RASSF3: variants seen among roughly 807,000 people sequenced by gnomAD.
RASSF3 encodes Ras association domain family member 3, also known as ras association domain-containing protein 3.
In RASSF3, 19 loss-of-function variants were observed where a neutral mutation model predicts 19.9. The ratio of observed to expected loss-of-function variants is 0.96; its 90% CI spans 0.67 to 1.40. The LOEUF is 1.40. Ranked by LOEUF, RASSF3 falls within the 40% of genes most tolerant of loss-of-function variation. The pLI, the probability that RASSF3 is intolerant of heterozygous loss-of-function variation, is 0.00. For synonymous variants in RASSF3, 110 were observed against 104.2 expected (o/e 1.06, Z -0.34); for missense variants, 306 against 289.8 (o/e 1.06, Z -0.41).
intron 2 of RASSF3, among the ~76,000 whole-genome samples, chr12:64,594,287 T>TTGCACCCC (rs1869966748): frequency 6.6e-6 from 1 of 151,990 alleles, no homozygotes; most frequent in Non-Finnish European, 1.5e-5. Flanking sequence ...TGAGCTATGA[T>TTGCACCCC]TGCACCCCTG....
chr12:64,645,621 T>G (rs1871703942), intron 1 of RASSF3, among the ~76,000 whole-genome samples: 1 of 152,188 alleles, frequency 6.6e-6, no homozygotes, highest in South Asian at 2.1e-4. Context: ...ATTACTAGCC[T>G]TCTATCCTGT....
chr12:64,609,895 G>T (rs141292600), upstream of RASSF3, among the ~76,000 whole-genome samples: 198 of 152,326 alleles, frequency 1.3e-3, 2 homozygotes, highest in East Asian at 2.5e-3. Context: ...AAGCTCAAAT[G>T]AATGACCAGA....
chr12:64,660,046 G>C (rs200048616), intron 1 of RASSF3, among the ~76,000 whole-genome samples: 1 of 47,086 alleles, frequency 2.1e-5, no homozygotes, highest in Admixed American at 1.8e-4. Context: ...ATATATGTGT[G>C]TGTATGTATA....
At chr12:64,536,342 G>A (rs566373480) in intron 1 of RASSF3, among the ~76,000 whole-genome samples, 2 of 152,248 alleles carry the variant, frequency 1.3e-5, no homozygotes, top group East Asian at 3.9e-4. Context: ...GTTTTTAATG[G>A]AAGAAAATAG....
At chr12:64,580,575 A>AACACACACACAC (rs201737911) in intron 2 of RASSF3, among the ~76,000 whole-genome samples, 1,464 of 141,368 alleles carry the variant, frequency 0.01, 17 homozygotes, top group African/African-American at 0.031. Context: ...TTTTTAGGAA[A>AACACACACACAC]ACACACACAC....
intron 1 of RASSF3, among the ~76,000 whole-genome samples, chr12:64,662,410 G>C (rs1026634033): frequency 1.4e-4 from 22 of 151,974 alleles, no homozygotes; most frequent in African/African-American, 5.3e-4. Context: ...GACAGATTGA[G>C]ACCCTGTCTC....
chr12:64,661,890 AG>A (rs1872377996), intron 1 of RASSF3, among the ~76,000 whole-genome samples: 3 of 151,284 alleles, frequency 2.0e-5, no homozygotes, highest in African/African-American at 7.3e-5. Flanking sequence ...CCTGTTGGCC[AG>A]GCGGTTCTCG....
chr12:64,663,565 A>T (rs1035939222), intron 1 of RASSF3, among the ~76,000 whole-genome samples: 5 of 151,546 alleles, frequency 3.3e-5, no homozygotes, highest in African/African-American at 1.2e-4. Context: ...TCTGTCACCC[A>T]GGCTGGAGTG....
At chr12:64,643,626 A>G (rs1358289068) in intron 1 of RASSF3, among the ~76,000 whole-genome samples, 1 of 152,138 alleles carries the variant, frequency 6.6e-6, no homozygotes, top group Non-Finnish European at 1.5e-5. Context: ...ATCATTAAAT[A>G]TAAGAATAGG....
At chr12:64,586,272 C>T (rs1024587140) in intron 2 of RASSF3, among the ~76,000 whole-genome samples, 3 of 150,096 alleles carry the variant, frequency 2.0e-5, no homozygotes, top group East Asian at 2.0e-4. Flanking sequence ...GGCAGTGAGC[C>T]GAGATTGCAC....
At chr12:64,620,261 T>C (rs1259020651) in intron 1 of RASSF3, among the ~76,000 whole-genome samples, 1 of 152,174 alleles carries the variant, frequency 6.6e-6, no homozygotes, top group Admixed American at 6.6e-5. Flanking sequence ...TGTTGGAGTA[T>C]GTGTCAGAAT....
At chr12:64,515,861 CT>C (rs1429110191) in intron 1 of RASSF3, among the ~76,000 whole-genome samples, 13 of 152,102 alleles carry the variant, frequency 8.5e-5, no homozygotes, top group Non-Finnish European at 1.8e-4. Flanking sequence ...TCACTAGGGC[CT>C]TTCAAGCTAG....
chr12:64,617,569 A>G (rs1870593795), intron 1 of RASSF3, among the ~76,000 whole-genome samples: 1 of 152,146 alleles, frequency 6.6e-6, no homozygotes, highest in South Asian at 2.1e-4. Context: ...TGATTGATTG[A>G]TTGGTTGAGA....
At position 64,687,585 on chromosome 12, in the gene RASSF3, T is replaced by C. The variant is rs1430639962; in HGVS notation, c.220-631T>C. On this transcript the variant is annotated intron_variant, in intron 2 of 4. Transcript: ENST00000542104. ...CACCTTCTGGTTTCAAGCGATTGAATTTTTTTTTAAAATGCTGCTTAAGAG... is the reference window on the plus strand; with the variant it reads ...CACCTTCTGGTTTCAAGCGATTGAACTTTTTTTTAAAATGCTGCTTAAGAG... Among the ~76,000 whole-genome samples the C allele has an allele frequency of 2.0e-5, 3 of 151,492 alleles. No homozygotes were observed. In the East Asian group the frequency reaches 5.8e-4, roughly 29 times the overall value.
Position 64,637,945 on chromosome 12 carries a change from C to T in RASSF3, c.111+27202C>T, listed in dbSNP as rs147348334. On this transcript the variant is annotated intron_variant, in intron 1 of 4. Transcript: ENST00000542104. ...CTCCTGGGTTCAAGTGATTCTCCTG[C>T]CTCAGCCTCCGGAGTAGCTGGGATT... 5.7e-3 allele frequency among the ~76,000 whole-genome samples: 861 copies of T among 151,924 alleles called. 8 individuals are homozygous for T. Among genetic ancestry groups the T allele is most frequent in the Middle Eastern group, 0.01 (3 of 292 alleles).
At chr12:64,690,091 G>A (rs7135662) in intron 3 of RASSF3, among the ~76,000 whole-genome samples, 2,522 of 151,648 alleles carry the variant, frequency 0.017, 75 homozygotes, top group African/African-American at 0.057. Flanking sequence ...GCCTGGCCTC[G>A]CTAATTCTTA....
chr12:64,643,800 G>C (rs1357152344), intron 1 of RASSF3, among the ~76,000 whole-genome samples: 3 of 152,098 alleles, frequency 2.0e-5, no homozygotes. Flanking sequence ...TTACTGGCAG[G>C]TTAATTCTAA....
At chr12:64,659,881 G>A (rs1163347652) in intron 1 of RASSF3, among the ~76,000 whole-genome samples, 1 of 152,072 alleles carries the variant, frequency 6.6e-6, no homozygotes, top group African/African-American at 2.4e-5. Context: ...CTGGGAAGCG[G>A]AGGTTGCAGT....
At chr12:64,553,869 C>T (rs73317522) in intron 2 of RASSF3, among the ~76,000 whole-genome samples, 2,248 of 151,030 alleles carry the variant, frequency 0.015, 55 homozygotes, top group African/African-American at 0.05. Flanking sequence ...CTTAGCAACT[C>T]GAGAGGCTGA....
Sources: allele counts gnomAD v4.1 joint callset (sites outside exome capture counted in the v4.1 genomes callset), GRCh38; gene constraint gnomAD v4.1.1; transcripts MANE v1.5; gene names NCBI Gene and HGNC (gene_info 2026-07-23, HGNC 2026-07-21).